TRIM34: variants seen among roughly 807,000 people sequenced by gnomAD.
TRIM34 encodes the protein E3 ubiquitin-protein ligase TRIM34.
TRIM34 carries 41 observed loss-of-function variants against 38.1 expected under a neutral mutation model. The ratio of observed to expected loss-of-function variants is 1.08; its 90% CI spans 0.84 to 1.40. The LOEUF (loss-of-function observed/expected upper bound fraction) is 1.40, where lower values mean the gene tolerates loss of function less well. Among genes scored for constraint, TRIM34 ranks in the 40% most tolerant of loss-of-function variants. TRIM34 has a pLI of 0.00. For missense variants in TRIM34, 556 were observed against 571.4 expected, an observed-to-expected ratio of 0.97 and a Z score of 0.27; for synonymous variants, 200 against 202.5, an observed-to-expected ratio of 0.99 and a Z score of 0.10.
intron 7 of TRIM34, 23 bp from the exon 8 acceptor site, chr11:5,643,121 A>ATG: frequency 8.7e-7 from 1 of 1,149,140 alleles, no homozygotes; most frequent in Non-Finnish European, 1.1e-6. Flanking sequence ...ATACATATAT[A>ATG]TATATTTTTT....
Position 5,643,528 on chromosome 11 carries a change from C to T in TRIM34, c.1286C>T (p.Pro429Leu). ...GTTTTGACTCTCTCCATGGCTGTGC[C>T]TCCCTGCCGTGTTGGGGTTTTCCTC... is the stretch of plus-strand genomic sequence containing the variant. The part of the protein sequence containing the change: ...PEVLTLSMAV[P>L]PCRVGVFLDY... The change falls in exon 8 of 8, where the codon CCT becomes CTT. Residue 429 changes from proline to leucine, a missense_variant. Transcript: ENST00000429814. 6.2e-7 allele frequency: 1 copy of T among 1,614,158 alleles called. No homozygotes were observed. Among genetic ancestry groups the T allele is most frequent in the African/African-American group, 1.3e-5 (1 of 75,008 alleles).
At chr11:5,633,605 G>A (rs568089553) in intron 2 of TRIM34, among the ~76,000 whole-genome samples, 199 bp from the exon 3 acceptor site, 33 of 152,244 alleles carry the variant, frequency 2.2e-4, no homozygotes, top group Middle Eastern at 3.4e-3. Flanking sequence ...CTTTTGAGGG[G>A]TATTGATTTT....
intron 4 of TRIM34, 113 bp from the exon 5 acceptor site, chr11:5,641,054 T>G (rs1282763057): frequency 2.1e-6 from 3 of 1,400,676 alleles, no homozygotes; most frequent in Middle Eastern, 3.9e-4. Context: ...GTTGACATTT[T>G]CATATAACTC....
intron 1 of TRIM34, among the ~76,000 whole-genome samples, chr11:5,631,850 T>C (rs1849493456): frequency 6.6e-6 from 1 of 151,998 alleles, no homozygotes. Flanking sequence ...CTAATCTACA[T>C]GTAGATTATG....
chr11:5,628,086 G>C (rs531029578), intron 1 of TRIM34, among the ~76,000 whole-genome samples: 1 of 152,322 alleles, frequency 6.6e-6, no homozygotes, highest in East Asian at 1.9e-4. Flanking sequence ...GCCACACTGG[G>C]AAGTGGTGGG....
At chr11:5,622,995 A>C (rs964789734), upstream of TRIM34, among the ~76,000 whole-genome samples, 2 of 152,202 alleles carry the variant, frequency 1.3e-5, no homozygotes, top group Non-Finnish European at 2.9e-5. Flanking sequence ...TTTCCAGGTC[A>C]TAGGTAGATA....
chr11:5,642,757 A>G, intron 6 of TRIM34, 60 bp from the exon 7 acceptor site: 3 of 1,604,828 alleles, frequency 1.9e-6, no homozygotes, highest in Non-Finnish European at 2.6e-6. Flanking sequence ...AAGAATATAT[A>G]GGTATCAGTG....
chr11:5,621,138 C>A (rs1848980930), upstream of TRIM34, among the ~76,000 whole-genome samples: 2 of 152,216 alleles, frequency 1.3e-5, no homozygotes, highest in Admixed American at 1.3e-4. Flanking sequence ...CCTTTAACCC[C>A]TGCATCCCAG....
At chr11:5,624,434 G>A (rs907759131), upstream of TRIM34, among the ~76,000 whole-genome samples, 7 of 152,070 alleles carry the variant, frequency 4.6e-5, no homozygotes, top group Non-Finnish European at 7.3e-5. Flanking sequence ...ATCTCCTAGC[G>A]GGTGACATGG....
chr11:5,641,452 A>C (rs1850009336), intron 5 of TRIM34, among the ~76,000 whole-genome samples: 1 of 152,220 alleles, frequency 6.6e-6, no homozygotes, highest in Non-Finnish European at 1.5e-5. Flanking sequence ...TTTTACTGTC[A>C]GACTTCGGTG....
Position 5,634,716 on chromosome 11 carries a change from T to G in TRIM34, c.605T>G (p.Leu202Arg). 1 of 1,614,056 alleles carries G rather than the reference T, an allele frequency of 6.2e-7. No individual in the cohort carries two copies. Among genetic ancestry groups the G allele is most frequent in the Non-Finnish European group, 8.5e-7 (1 of 1,179,992 alleles). The change falls in exon 4 of 8, where the codon CTG becomes CGG. Residue 202 changes from leucine (L) to arginine (R), a missense_variant. Physicochemically the swap from Leu to Arg is moderately radical, Grantham distance 102. Transcript: ENST00000429814. ...CTAAATAATGAGGAGCAGAGAGAGCTGCAAAGATTGGAAGAAGAAGAAAAG... is the reference window on the plus strand; with the variant it reads ...CTAAATAATGAGGAGCAGAGAGAGCGGCAAAGATTGGAAGAAGAAGAAAAG... ...SILNNEEQRE[L>R]QRLEEEEKKT...
At chr11:5,640,522 G>A (rs1306166480) in intron 4 of TRIM34, among the ~76,000 whole-genome samples, 1 of 151,826 alleles carries the variant, frequency 6.6e-6, no homozygotes, top group East Asian at 1.9e-4. Context: ...TTGCTGGATT[G>A]CCAGATTTGA....
rs143229169 is a variant in TRIM34, at chr11:5,643,230, C to A, written c.988C>A (p.Pro330Thr). 1.3e-4 allele frequency: 209 copies of A among 1,613,060 alleles called. No individual in the cohort carries two copies. The highest frequency in any genetic ancestry group is 1.8e-4 in the Admixed American group (11 of 59,878). ...ACAAGTGATATCTGTGCCAATTTGG[C>A]CTTTTCAGTGTTATAATTATGGTGT... ...QRQVISVPIW[P>T]FQCYNYGVLG... is the part of the protein sequence containing the mutation. The change falls in exon 8 of 8, where the codon CCT becomes ACT. Residue 330 changes from proline (P) to threonine (T), a missense_variant. Coordinates refer to ENST00000429814, the MANE Select transcript of TRIM34 (RefSeq NM_021616.6).
chr11:5,642,563 A>T, intron 6 of TRIM34, 57 bp downstream of exon 6: 1 of 1,591,640 alleles, frequency 6.3e-7, no homozygotes, highest in Middle Eastern at 1.7e-4. Context: ...TCAGGTAATA[A>T]ACTGTCTAGG....
At chr11:5,642,890 AG>A (rs1850078321) in intron 7 of TRIM34, 47 bp downstream of exon 7, 1 of 1,611,162 alleles carries the variant, frequency 6.2e-7, no homozygotes, top group African/African-American at 1.3e-5. Flanking sequence ...ATTACCTTTC[AG>A]AAGTTTATGG....
chr11:5,636,513 T>C (rs1849741276), intron 4 of TRIM34, among the ~76,000 whole-genome samples: 1 of 152,220 alleles, frequency 6.6e-6, no homozygotes, highest in African/African-American at 2.4e-5. Context: ...AATCTTATGG[T>C]ATTTGAACTA....
chr11:5,629,784 T>G (rs948919606), intron 1 of TRIM34, among the ~76,000 whole-genome samples: 1 of 152,200 alleles, frequency 6.6e-6, no homozygotes, highest in Non-Finnish European at 1.5e-5. Flanking sequence ...CTCGGCTCAC[T>G]GGAAGCTCTG....
Position 5,632,616 on chromosome 11 carries a change from T to C in TRIM34, c.285T>C (p.Asp95=). The C allele has an allele frequency of 1.2e-6, 2 of 1,613,064 alleles. No homozygotes were observed. The highest frequency in any genetic ancestry group is 1.7e-6 in the Non-Finnish European group (2 of 1,179,798). ...GCCCAGACAATGGGAAGAAGAGAGA[T>C]CTCTGTGATCATCATGGAGAGAAAC... ...KLSPDNGKKR[D]LCDHHGEKLL... is the part of the protein sequence containing the mutation. The change falls in exon 2 of 8, where the codon GAT becomes GAC. Residue 95 remains aspartate (D), a synonymous_variant. Coordinates refer to ENST00000429814, the MANE Select transcript of TRIM34 (RefSeq NM_021616.6).
At chr11:5,634,599 T>G in intron 3 of TRIM34, 32 bp from the exon 4 acceptor site, 1 of 1,585,388 alleles carries the variant, frequency 6.3e-7, no homozygotes, top group Non-Finnish European at 8.6e-7. Context: ...CCTGACAAAC[T>G]TACTACAACT....
Sources: allele counts gnomAD v4.1 joint callset (sites outside exome capture counted in the v4.1 genomes callset), GRCh38; gene constraint gnomAD v4.1.1; transcripts MANE v1.5; gene names NCBI Gene and HGNC (gene_info 2026-07-23, HGNC 2026-07-21).